NWD2: variants seen among roughly 807,000 people sequenced by gnomAD.
NWD2 encodes NACHT and WD repeat domain-containing protein 2.
Under a neutral mutation model 132.7 loss-of-function variants are expected in NWD2, and 37 were observed. That is an observed-to-expected ratio of 0.28 (90% CI 0.21 to 0.37). The LOEUF (loss-of-function observed/expected upper bound fraction) is 0.37. NWD2 is among the 10% of genes least tolerant of loss of function. The pLI, the probability that NWD2 is intolerant of heterozygous loss-of-function variation, is 1.00. For synonymous variants in NWD2, 705 were observed against 803.0 expected, an observed-to-expected ratio of 0.88 and a Z score of 2.06; for missense variants, 1,592 against 2,122.4, an observed-to-expected ratio of 0.75 and a Z score of 4.91.
Position 37,357,746 on chromosome 4 carries a change from G to T in NWD2, c.357+1264G>T, listed in dbSNP as rs146217064. ...AGTAAGATAAACAGTAAGTCAGTTG[G>T]TGATAAGTGCTATGGAGAAAAATAG... is the stretch of plus-strand genomic sequence containing the variant. On this transcript the variant is annotated intron_variant, in intron 3 of 6. Coordinates refer to ENST00000309447, the MANE Select transcript of NWD2 (RefSeq NM_001144990.2). Among the ~76,000 whole-genome samples, 23 of 152,252 alleles carry T rather than the reference G, an allele frequency of 1.5e-4. No individual in the cohort carries two copies. The East Asian group carries it at 4.2e-3, about 28-fold the overall frequency.
chr4:37,264,661 G>T (rs1484068729), intron 1 of NWD2, among the ~76,000 whole-genome samples: 19 of 152,020 alleles, frequency 1.2e-4, no homozygotes, highest in Admixed American at 1.2e-3. Flanking sequence ...AAGTTCAAAA[G>T]TAAAATGTAA....
At chr4:37,284,361 A>G (rs1279770728) in intron 1 of NWD2, among the ~76,000 whole-genome samples, 1 of 152,206 alleles carries the variant, frequency 6.6e-6, no homozygotes, top group East Asian at 1.9e-4. Context: ...GGTGAGAGTA[A>G]TTGAACATAT....
At chr4:37,359,119 T>C (rs1359676967) in intron 3 of NWD2, among the ~76,000 whole-genome samples, 1 of 152,156 alleles carries the variant, frequency 6.6e-6, no homozygotes, top group Non-Finnish European at 1.5e-5. Flanking sequence ...TAACTAAAAT[T>C]AGACATGACT....
At chr4:37,367,625 C>G (rs938011097) in intron 3 of NWD2, among the ~76,000 whole-genome samples, 2 of 152,030 alleles carry the variant, frequency 1.3e-5, no homozygotes, top group African/African-American at 4.8e-5. Context: ...TTAAGATAAT[C>G]TAGTAACTAA....
chr4:37,393,002 T>C (rs1445579457), intron 3 of NWD2, among the ~76,000 whole-genome samples: 1 of 152,204 alleles, frequency 6.6e-6, no homozygotes, highest in African/African-American at 2.4e-5. Flanking sequence ...CATAAAATCA[T>C]TTCCAGCCAC....
intron 1 of NWD2, among the ~76,000 whole-genome samples, chr4:37,305,043 C>G (rs1334239820): frequency 6.6e-6 from 1 of 152,242 alleles, no homozygotes; most frequent in South Asian, 2.1e-4. Context: ...GGTGGAGGTT[C>G]TCAAACCCCA....
At position 37,413,094 on chromosome 4, in the gene NWD2, T is replaced by C. The variant is rs568578496; in HGVS notation, c.358-17478T>C. 3.9e-4 allele frequency among the ~76,000 whole-genome samples: 59 copies of C among 152,236 alleles called. No homozygotes were observed. The Middle Eastern group carries it at 0.01, about 26-fold the overall frequency. Reference sequence around the variant, plus strand: ...TTCATGTCTAAAACACAGAAAGCAATGGCAACAAAAGCCAAAATTGACAAA... The same window carrying C: ...TTCATGTCTAAAACACAGAAAGCAACGGCAACAAAAGCCAAAATTGACAAA... On this transcript the variant is annotated intron_variant, in intron 3 of 6. Transcript: ENST00000309447.
At chr4:37,309,862 C>A (rs751749295) in intron 1 of NWD2, among the ~76,000 whole-genome samples, 23 of 152,288 alleles carry the variant, frequency 1.5e-4, no homozygotes, top group Middle Eastern at 3.4e-3. Flanking sequence ...CTGTTGTTCT[C>A]CCTAGGCATG....
At chr4:37,389,715 T>A (rs1199203621) in intron 3 of NWD2, among the ~76,000 whole-genome samples, 2 of 152,170 alleles carry the variant, frequency 1.3e-5, no homozygotes, top group Admixed American at 6.5e-5. Context: ...TAACTTACAT[T>A]TTTTCTAACA....
At chr4:37,312,060 C>T (rs1239991988) in intron 1 of NWD2, among the ~76,000 whole-genome samples, 34 of 151,692 alleles carry the variant, frequency 2.2e-4, no homozygotes, top group African/African-American at 1.7e-4. Flanking sequence ...AGTCAGGTAG[C>T]GTGATGCCTC....
chr4:37,406,219 G>T (rs78046280), intron 3 of NWD2, among the ~76,000 whole-genome samples: 2,216 of 152,236 alleles, frequency 0.015, 55 homozygotes, highest in African/African-American at 0.051. Flanking sequence ...TCATTGTCTT[G>T]CAATCCCAAA....
At chr4:37,322,201 A>G (rs1719082848) in intron 1 of NWD2, among the ~76,000 whole-genome samples, 1 of 152,170 alleles carries the variant, frequency 6.6e-6, no homozygotes, top group African/African-American at 2.4e-5. Context: ...TGAGTGAGAC[A>G]AAAGAAGCTT....
At position 37,439,515 on chromosome 4, in the gene NWD2, G is replaced by A; in HGVS notation, c.1296+125G>A. 1.6e-6 allele frequency: 1 copy of A among 632,000 alleles called. No homozygotes were observed. Among genetic ancestry groups the A allele is most frequent in the Non-Finnish European group, 2.6e-6 (1 of 389,208 alleles). 39.1% of individuals were successfully genotyped at this position (632,000 alleles called of 1,614,324 possible). On this transcript the variant is annotated intron_variant, in intron 6 of 6. Coordinates refer to ENST00000309447, the MANE Select transcript of NWD2 (RefSeq NM_001144990.2). The surrounding 1 kb of genome is among the most constrained non-coding windows in gnomAD (Gnocchi z 4.5). ...GAATTATAGTTGGTCTTTTAGGAGTGAATACTGCAGTGCTTCTTTTTTGCT... is the reference window on the plus strand; with the variant it reads ...GAATTATAGTTGGTCTTTTAGGAGTAAATACTGCAGTGCTTCTTTTTTGCT...
intron 3 of NWD2, among the ~76,000 whole-genome samples, chr4:37,405,512 A>G (rs944360821): frequency 6.6e-6 from 1 of 152,100 alleles, no homozygotes; most frequent in African/African-American, 2.4e-5. Flanking sequence ...GGCGAATTGC[A>G]TGTAATAAAG....
rs770184199 is a variant in NWD2 at position 37,439,796 on chromosome 4, T to C, written c.1296+406T>C. ...CCAGGCTAAGGTAAAAATGAAAATA[T>C]CAGTCTACACCTTTCTTCCCCATCT... On this transcript the variant is annotated intron_variant, in intron 6 of 6. Coordinates refer to ENST00000309447, the MANE Select transcript of NWD2 (RefSeq NM_001144990.2). The surrounding 1 kb of genome is among the most constrained non-coding windows in gnomAD (Gnocchi z 4.5). 3.9e-5 allele frequency among the ~76,000 whole-genome samples: 6 copies of C among 152,228 alleles called. No homozygotes were observed. Among genetic ancestry groups the C allele is most frequent in the Non-Finnish European group, 7.3e-5 (5 of 68,036 alleles).
chr4:37,403,266 TAAAC>T (rs1337428038), intron 3 of NWD2, among the ~76,000 whole-genome samples: 1 of 152,142 alleles, frequency 6.6e-6, no homozygotes, highest in African/African-American at 2.4e-5. Context: ...AGAAACATGA[TAAAC>T]AAGAAAACAA....
At chr4:37,342,387 A>G (rs1288965440) in intron 2 of NWD2, among the ~76,000 whole-genome samples, 3 of 152,112 alleles carry the variant, frequency 2.0e-5, no homozygotes, top group African/African-American at 7.2e-5. Flanking sequence ...ATGCTCATGC[A>G]GCCTTGTGGA....
At chr4:37,315,547 A>G (rs1468270620) in intron 1 of NWD2, among the ~76,000 whole-genome samples, 1 of 151,964 alleles carries the variant, frequency 6.6e-6, no homozygotes, top group Non-Finnish European at 1.5e-5. Context: ...TTTACTGCAT[A>G]TCTTCTATCC....
At chr4:37,285,212 C>A (rs1051274982) in intron 1 of NWD2, among the ~76,000 whole-genome samples, 1 of 152,126 alleles carries the variant, frequency 6.6e-6, no homozygotes, top group Non-Finnish European at 1.5e-5. Context: ...CTCTTGTGAA[C>A]GTTCCAACAC....
Sources: allele counts gnomAD v4.1 joint callset (sites outside exome capture counted in the v4.1 genomes callset), GRCh38; gene constraint gnomAD v4.1.1; non-coding constraint Gnocchi (gnomAD v3.1); transcripts MANE v1.5; gene names NCBI Gene and HGNC (gene_info 2026-07-23, HGNC 2026-07-21).